The following HS3ST5 variants were observed in gnomAD, a reference collection of about 807,000 sequenced individuals.
HS3ST5 encodes heparan sulfate glucosamine 3-O-sulfotransferase 5.
HS3ST5 carries 10 observed loss-of-function variants against 25.4 expected under a neutral mutation model. That is an observed-to-expected ratio of 0.39 (90% CI 0.24 to 0.67). The LOEUF is 0.67. HS3ST5 is among the 30% of genes least tolerant of loss of function. The probability of loss-of-function intolerance (pLI) is 0.44; values close to 1 mark genes in which losing one functional copy is unlikely to be tolerated. For missense variants in HS3ST5, 324 were observed against 420.7 expected, an observed-to-expected ratio of 0.77 and a Z score of 2.01; for synonymous variants, 170 against 162.4, an observed-to-expected ratio of 1.05 and a Z score of -0.36.
chr6:114,217,084 C>T (rs898461093), intron 2 of HS3ST5, among the ~76,000 whole-genome samples: 12 of 152,322 alleles, frequency 7.9e-5, no homozygotes, highest in Non-Finnish European at 1.3e-4. Context: ...TTCTAACTGG[C>T]CACATTCTCC....
chr6:114,109,756 T>G (rs1272639914), intron 3 of HS3ST5, among the ~76,000 whole-genome samples: 2 of 152,210 alleles, frequency 1.3e-5, no homozygotes, highest in African/African-American at 4.8e-5. Context: ...GCCTTCCCTT[T>G]CTCACTCCCC....
intron 3 of HS3ST5, among the ~76,000 whole-genome samples, chr6:114,154,120 GAAGGAGAGGTAAGAAGGGA>G (rs1434945370): frequency 1.3e-5 from 2 of 152,120 alleles, no homozygotes; most frequent in Non-Finnish European, 2.9e-5. Context: ...GTCTATTAAC[GAAGGAGAGGTAAGAAGGGA>G]AAGGAGATGT....
intron 1 of HS3ST5, among the ~76,000 whole-genome samples, chr6:114,230,596 C>CTTT (rs5879253): frequency 6.6e-5 from 9 of 136,890 alleles, no homozygotes; most frequent in Admixed American, 1.5e-4. Flanking sequence ...CCTTAAGACT[C>CTTT]TTTTTTTTTT....
At chr6:114,129,521 C>T (rs1400082018) in intron 3 of HS3ST5, among the ~76,000 whole-genome samples, 1 of 152,118 alleles carries the variant, frequency 6.6e-6, no homozygotes, top group Admixed American at 6.6e-5. Context: ...TCCCAAAGTG[C>T]TGGGATTACA....
At chr6:114,126,865 T>C (rs372736329) in intron 3 of HS3ST5, among the ~76,000 whole-genome samples, 1 of 152,164 alleles carries the variant, frequency 6.6e-6, no homozygotes, top group East Asian at 1.9e-4. Flanking sequence ...CAGGAAGCCA[T>C]GAGCAGTGAA....
At chr6:114,128,759 C>T (rs1318345660) in intron 3 of HS3ST5, among the ~76,000 whole-genome samples, 1 of 152,064 alleles carries the variant, frequency 6.6e-6, no homozygotes, top group East Asian at 1.9e-4. Context: ...GTAAAAGGTA[C>T]AGAAAAAGAG....
chr6:114,131,376 T>C (rs1777323973), intron 3 of HS3ST5: 1 of 152,232 alleles, frequency 6.6e-6, no homozygotes. Context: ...AAGTAAACTT[T>C]TAAAAAGTGA....
chr6:114,338,555 G>A (rs1582826633), intron 1 of HS3ST5, among the ~76,000 whole-genome samples: 1 of 151,738 alleles, frequency 6.6e-6, no homozygotes, highest in East Asian at 1.9e-4. Flanking sequence ...ATTTAGAGAG[G>A]TTCATTTATC....
intron 1 of HS3ST5, among the ~76,000 whole-genome samples, chr6:114,302,319 T>G (rs746690172): frequency 6.6e-6 from 1 of 152,238 alleles, no homozygotes; most frequent in Non-Finnish European, 1.5e-5. Context: ...TGCAAATTAT[T>G]ATTTCATGAT....
In HS3ST5 at chr6:114,103,925, T is replaced by A. The variant is rs1775866412; in HGVS notation, c.-32-41048A>T. Among the ~76,000 whole-genome samples the A allele has an allele frequency of 2.7e-5, 4 of 149,554 alleles. No individual in the cohort carries two copies. The Admixed American group carries it at 2.7e-4, about 10-fold the overall frequency. On this transcript the variant is annotated intron_variant, in intron 3 of 4. Transcript: ENST00000312719. The stretch of plus-strand genomic sequence containing the variant: ...ACCTTGTTAGCCAGGATGGTCTCGA[T>A]CTCCTGACCTCGTGATCCGCCCATC...
At chr6:114,293,996 A>G (rs1375332685) in intron 1 of HS3ST5, among the ~76,000 whole-genome samples, 1 of 152,240 alleles carries the variant, frequency 6.6e-6, no homozygotes, top group Non-Finnish European at 1.5e-5. Context: ...CATTGGCATG[A>G]CACAAAGTTA....
At chr6:114,065,467 C>G (rs1773396600) in intron 3 of HS3ST5, among the ~76,000 whole-genome samples, 4 of 152,206 alleles carry the variant, frequency 2.6e-5, no homozygotes, top group Admixed American at 2.6e-4. Flanking sequence ...CAATTAAATA[C>G]TCCCCTTAGT....
chr6:114,308,448 G>A (rs1051932184), intron 1 of HS3ST5, among the ~76,000 whole-genome samples: 5 of 152,136 alleles, frequency 3.3e-5, no homozygotes, highest in African/African-American at 4.8e-5. Context: ...TTAGCCGGGC[G>A]TGGTGGCAGG....
At chr6:114,174,675 C>G (rs1434688153) in intron 2 of HS3ST5, among the ~76,000 whole-genome samples, 1 of 152,092 alleles carries the variant, frequency 6.6e-6, no homozygotes, top group Non-Finnish European at 1.5e-5. Flanking sequence ...TGGTTTAAGA[C>G]TTTTCTCATA....
chr6:114,240,324 T>C (rs1440727579), intron 1 of HS3ST5, among the ~76,000 whole-genome samples: 1 of 152,180 alleles, frequency 6.6e-6, no homozygotes, highest in Non-Finnish European at 1.5e-5. Context: ...AAGCACTGGT[T>C]TGGCATTAGC....
chr6:114,223,891 C>A (rs1478246820), intron 2 of HS3ST5, among the ~76,000 whole-genome samples: 1 of 151,572 alleles, frequency 6.6e-6, no homozygotes, highest in East Asian at 1.9e-4. Flanking sequence ...ACTTAGTCTA[C>A]CACCTAAAAA....
intron 2 of HS3ST5, among the ~76,000 whole-genome samples, chr6:114,174,691 T>C (rs1239905611): frequency 6.6e-6 from 1 of 152,138 alleles, no homozygotes; most frequent in African/African-American, 2.4e-5. Flanking sequence ...TCATACCACC[T>C]ATCTCTATAA....
chr6:114,323,997 C>G (rs1320576383), intron 1 of HS3ST5, among the ~76,000 whole-genome samples: 1 of 152,136 alleles, frequency 6.6e-6, no homozygotes. Context: ...CTTCTTCCCC[C>G]TGCTGGGGGA....
chr6:114,255,229 C>T (rs1371177375), intron 1 of HS3ST5, among the ~76,000 whole-genome samples: 1 of 152,192 alleles, frequency 6.6e-6, no homozygotes, highest in Non-Finnish European at 1.5e-5. Flanking sequence ...GCAGTCAAAT[C>T]TTAAAGCTCC....
Sources: gnomAD v4.1 joint callset for allele counts (sites outside exome capture counted in the v4.1 genomes callset) on GRCh38, gnomAD v4.1.1 for gene constraint, MANE v1.5 for transcripts, NCBI Gene and HGNC (gene_info 2026-07-23, HGNC 2026-07-21) for gene names.